The following PDE4D variants were observed in gnomAD, a reference collection of about 807,000 sequenced individuals.
PDE4D encodes phosphodiesterase 4D.
PDE4D carries 24 observed loss-of-function variants against 87.4 expected under a neutral mutation model. That is an observed-to-expected ratio of 0.27 (90% CI 0.20 to 0.39). The LOEUF (loss-of-function observed/expected upper bound fraction) is 0.39, where lower values mean the gene tolerates loss of function less well. PDE4D is among the 10% of genes least tolerant of loss of function. The probability of loss-of-function intolerance (pLI) is 1.00; values close to 1 mark genes in which losing one functional copy is unlikely to be tolerated. For synonymous variants in PDE4D, 384 were observed against 383.2 expected, an observed-to-expected ratio of 1.00 and a Z score of -0.02; for missense variants, 714 against 1,041.0, an observed-to-expected ratio of 0.69 and a Z score of 4.32.
At chr5:59,466,817 C>T (rs772720753) in intron 1 of PDE4D, among the ~76,000 whole-genome samples, 4 of 152,114 alleles carry the variant, frequency 2.6e-5, no homozygotes, top group Non-Finnish European at 5.9e-5. Flanking sequence ...ATGGAAGAAT[C>T]AGAGAATAAT....
intron 2 of PDE4D, among the ~76,000 whole-genome samples, chr5:60,043,375 G>A (rs1470428149): frequency 6.6e-6 from 1 of 152,118 alleles, no homozygotes; most frequent in African/African-American, 2.4e-5. Flanking sequence ...ACACCCTTCA[G>A]GATATTATCC....
chr5:59,182,351 G>A (rs1301530265), intron 4 of PDE4D, among the ~76,000 whole-genome samples: 2 of 151,526 alleles, frequency 1.3e-5, no homozygotes, highest in African/African-American at 2.4e-5. Context: ...TAGAACTCCT[G>A]AGCTCTAGTG....
intron 5 of PDE4D, among the ~76,000 whole-genome samples, chr5:59,110,143 C>T (rs935326568): frequency 3.3e-5 from 5 of 152,200 alleles, no homozygotes; most frequent in Admixed American, 6.5e-5. Context: ...AGGGAGAATG[C>T]GTATGTTGGC....
At chr5:59,961,302 T>G (rs1227685019) in intron 3 of PDE4D, among the ~76,000 whole-genome samples, 1 of 136,050 alleles carries the variant, frequency 7.4e-6, no homozygotes, top group African/African-American at 2.8e-5. Context: ...AGACCCAGAT[T>G]AAAAAAAAAA....
chr5:59,234,790 T>C (rs1756016122), intron 1 of PDE4D, among the ~76,000 whole-genome samples: 2 of 152,152 alleles, frequency 1.3e-5, no homozygotes. Flanking sequence ...AACCCAAACA[T>C]GATTATATAC....
rs140446668 is a variant in PDE4D, at chr5:60,219,312, T to C, written c.-89-33625A>G. Among the ~76,000 whole-genome samples, 1,221 of 152,268 alleles carry C rather than the reference T, an allele frequency of 8.0e-3. 13 individuals are homozygous for C. The highest frequency in any genetic ancestry group is 0.028 in the African/African-American group (1,158 of 41,552). On this transcript the variant is annotated intron_variant, in intron 1 of 16. Transcript: ENST00000502484. ...AATAGATGTATGACTTTTGTCAATT[T>C]GTTTTGAGAAGTGACAATTGCTACT...
At chr5:60,117,700 G>T (rs536539435) in intron 2 of PDE4D, among the ~76,000 whole-genome samples, 1 of 151,678 alleles carries the variant, frequency 6.6e-6, no homozygotes, top group East Asian at 1.9e-4. Context: ...ATTCTTTCTG[G>T]TTCCTTTCCT....
chr5:59,302,762 A>G (rs1338893988), intron 1 of PDE4D, among the ~76,000 whole-genome samples: 1 of 152,168 alleles, frequency 6.6e-6, no homozygotes, highest in Admixed American at 6.6e-5. Context: ...TGTACACCAC[A>G]GTTTCTTTAT....
At chr5:59,928,068 A>C (rs1197600675) in intron 3 of PDE4D, among the ~76,000 whole-genome samples, 2 of 152,184 alleles carry the variant, frequency 1.3e-5, no homozygotes, top group African/African-American at 4.8e-5. Context: ...TGCATAGTGA[A>C]TGTGGCTGCA....
intron 1 of PDE4D, among the ~76,000 whole-genome samples, chr5:59,239,024 T>C (rs548473635): frequency 9.9e-4 from 151 of 152,282 alleles, no homozygotes; most frequent in South Asian, 2.9e-3. Flanking sequence ...CCAAAATAAA[T>C]ACTGCTTAAG....
At chr5:59,157,931 G>T (rs149455250) in intron 5 of PDE4D, among the ~76,000 whole-genome samples, 139 of 152,316 alleles carry the variant, frequency 9.1e-4, no homozygotes, top group African/African-American at 3.2e-3. Flanking sequence ...TAATTCAGAG[G>T]ATAGTTAGAG....
intron 1 of PDE4D, among the ~76,000 whole-genome samples, chr5:59,518,601 G>A (rs1223289871): frequency 3.9e-5 from 6 of 152,152 alleles, no homozygotes; most frequent in East Asian, 3.9e-4. Context: ...TACAGGAGTC[G>A]AATAAACAAC....
intron 1 of PDE4D, among the ~76,000 whole-genome samples, chr5:60,348,315 A>G (rs1343162949): frequency 6.6e-6 from 1 of 152,048 alleles, no homozygotes; most frequent in African/African-American, 2.4e-5. Flanking sequence ...TTCTCATCTG[A>G]TGCTCCAAAC....
chr5:59,474,342 C>G (rs956621525), intron 1 of PDE4D, among the ~76,000 whole-genome samples: 1 of 152,078 alleles, frequency 6.6e-6, no homozygotes, highest in Non-Finnish European at 1.5e-5. Context: ...TAACATCAAT[C>G]AAATCTCCAA....
intron 1 of PDE4D, among the ~76,000 whole-genome samples, chr5:60,443,552 A>C (rs1315904544): frequency 6.6e-6 from 1 of 152,158 alleles, no homozygotes. Flanking sequence ...AGTGAAATTG[A>C]GCGGCTTATG....
At chr5:60,222,988 A>C (rs1744669606) in intron 1 of PDE4D, among the ~76,000 whole-genome samples, 1 of 152,156 alleles carries the variant, frequency 6.6e-6, no homozygotes, top group Non-Finnish European at 1.5e-5. Context: ...AGATATTTAT[A>C]ATGAGATGTT....
intron 1 of PDE4D, among the ~76,000 whole-genome samples, chr5:59,518,185 TTGTGTGTTTGTGTG>T (rs1265080096): frequency 3.5e-5 from 4 of 114,640 alleles, no homozygotes; most frequent in Non-Finnish European, 5.5e-5. Flanking sequence ...ATGTATGTAC[TTGTGTGTTTGTGTG>T]TGTGTGTGTG....
rs147803743 is a variant in PDE4D, at chr5:59,630,913, C to T, written c.455+262255G>A. On this transcript the variant is annotated intron_variant, in intron 1 of 14. Coordinates refer to ENST00000340635, the MANE Select transcript of PDE4D (RefSeq NM_001104631.2). ...TGGCTGAGTCACTTAATATTCCTGACGCTCGGTTTTTTTTCCCTAGAAAAT... is the reference window on the plus strand; with the variant it reads ...TGGCTGAGTCACTTAATATTCCTGATGCTCGGTTTTTTTTCCCTAGAAAAT... 4.4e-4 allele frequency among the ~76,000 whole-genome samples: 67 copies of T among 152,120 alleles called. 1 individual carries two copies. In the East Asian group the frequency reaches 0.012, roughly 26 times the overall value.
intron 1 of PDE4D, among the ~76,000 whole-genome samples, chr5:59,485,828 C>G (rs1191685240): frequency 6.6e-6 from 1 of 152,010 alleles, no homozygotes; most frequent in Non-Finnish European, 1.5e-5. Context: ...AGGGGCATTC[C>G]CAGCTCCCTG....
Sources: gnomAD v4.1 joint callset for allele counts (sites outside exome capture counted in the v4.1 genomes callset) on GRCh38, gnomAD v4.1.1 for gene constraint, MANE v1.5 for transcripts, NCBI Gene and HGNC (gene_info 2026-07-23, HGNC 2026-07-21) for gene names.